The following ACTN4 variants were observed in gnomAD, a reference collection of about 807,000 sequenced individuals.
ACTN4 encodes the protein alpha-actinin-4.
ACTN4 carries 18 observed loss-of-function variants against 114.2 expected under a neutral mutation model. That is an observed-to-expected ratio of 0.16 (90% confidence interval 0.11 to 0.23). The LOEUF (loss-of-function observed/expected upper bound fraction) is 0.23. Ranked by LOEUF, ACTN4 falls within the 10% of genes least tolerant of loss-of-function variation. ACTN4 has a pLI of 1.00. For missense variants in ACTN4, 722 were observed against 1,262.9 expected, an observed-to-expected ratio of 0.57 and a Z score of 6.49; for synonymous variants, 515 against 506.3, an observed-to-expected ratio of 1.02 and a Z score of -0.23.
intron 1 of ACTN4, among the ~76,000 whole-genome samples, chr19:38,690,936 C>G (rs1213418090): frequency 4.6e-5 from 7 of 152,188 alleles, no homozygotes; most frequent in Non-Finnish European, 1.0e-4. Context: ...ATGCGAGATG[C>G]CGCAACCTGA....
chr19:38,654,253 G>A (rs928974586), intron 1 of ACTN4, among the ~76,000 whole-genome samples: 1 of 152,162 alleles, frequency 6.6e-6, no homozygotes, highest in South Asian at 2.1e-4. Flanking sequence ...CCCAGGGAAG[G>A]ATCCCGCCTC....
chr19:38,699,754 CA>C (rs528707102), intron 1 of ACTN4, among the ~76,000 whole-genome samples: 138 of 122,630 alleles, frequency 1.1e-3, no homozygotes, highest in Middle Eastern at 4.1e-3. Context: ...GACTCCTTCT[CA>C]AAAAAAAAAA....
chr19:38,700,855 A>C, intron 2 of ACTN4, 141 bp downstream of exon 2: 1 of 1,386,930 alleles, frequency 7.2e-7, no homozygotes, highest in Non-Finnish European at 1.0e-6. Flanking sequence ...CGGTGGTCTG[A>C]TGGGTGGGGC....
chr19:38,704,204 G>C (rs148506714), intron 3 of ACTN4, among the ~76,000 whole-genome samples: 2 of 152,338 alleles, frequency 1.3e-5, no homozygotes, highest in East Asian at 3.9e-4. Context: ...CCAGCTACTC[G>C]GGAGACTGAG....
At chr19:38,685,095 G>A (rs1164316028) in intron 1 of ACTN4, among the ~76,000 whole-genome samples, 1 of 152,126 alleles carries the variant, frequency 6.6e-6, no homozygotes, top group East Asian at 1.9e-4. Context: ...ACAGGCACAT[G>A]CCACCAAGCC....
chr19:38,685,339 C>G (rs767991953), intron 1 of ACTN4, among the ~76,000 whole-genome samples: 11 of 152,326 alleles, frequency 7.2e-5, no homozygotes, highest in Middle Eastern at 6.8e-3. Flanking sequence ...ACTCTTAACA[C>G]CACGAATTAG....
chr19:38,667,586 G>T lies in ACTN4; in HGVS notation c.162+19679G>T, dbSNP rs912764490. 1.8e-4 allele frequency among the ~76,000 whole-genome samples: 28 copies of T among 152,074 alleles called. No homozygotes were observed. In the East Asian group the frequency reaches 3.5e-3, roughly 19 times the overall value. On this transcript the variant is annotated intron_variant, in intron 1 of 20. Coordinates refer to ENST00000252699, the MANE Select transcript of ACTN4 (RefSeq NM_004924.6). ...GTGTTTTGGGTAATTGGCTGTTACA[G>T]TATGGAATTTGTGGCCCAAAGGCAG...
chr19:38,670,468 T>A (rs1967093860), intron 1 of ACTN4, among the ~76,000 whole-genome samples: 3 of 152,110 alleles, frequency 2.0e-5, no homozygotes, highest in African/African-American at 7.2e-5. Flanking sequence ...GACTGTGGTC[T>A]TGGATTATCA....
chr19:38,650,824 C>T (rs920561167), intron 1 of ACTN4, among the ~76,000 whole-genome samples: 1 of 152,080 alleles, frequency 6.6e-6, no homozygotes, highest in Non-Finnish European at 1.5e-5. Flanking sequence ...CAACCTCCGT[C>T]TCCCGGGTTC....
At position 38,724,666 on chromosome 19, in the gene ACTN4, G is replaced by C; in HGVS notation, c.2010+101G>C. The C allele has an allele frequency of 6.3e-7, 1 of 1,575,482 alleles. No homozygotes were observed. The highest frequency in any genetic ancestry group is 8.6e-7 in the Non-Finnish European group (1 of 1,158,614). On this transcript the variant is annotated intron_variant, in intron 16 of 20. Transcript: ENST00000252699. This position sits in a 1 kb window ranked among gnomAD's most constrained non-coding sequence, Gnocchi z 7.0. ...CCAGGGCCTGCAGACTGAGGCGCCT[G>C]GCAGAGCAGGTCCCAATTCTCACCA...
At chr19:38,720,090 G>A (rs1284197885) in intron 11 of ACTN4, among the ~76,000 whole-genome samples, 2 of 152,232 alleles carry the variant, frequency 1.3e-5, no homozygotes, top group Non-Finnish European at 1.5e-5. Flanking sequence ...ACGTGAAACA[G>A]GACAGGCAGG....
chr19:38,692,351 A>C (rs1234491767), intron 1 of ACTN4, among the ~76,000 whole-genome samples: 1 of 152,190 alleles, frequency 6.6e-6, no homozygotes, highest in Non-Finnish European at 1.5e-5. Context: ...TCTGCGTCCC[A>C]CGTTGCTGCA....
chr19:38,727,580 A>G lies in ACTN4; in HGVS notation c.2338-366A>G, dbSNP rs1003080373. On this transcript the variant is annotated intron_variant, in intron 18 of 20. Coordinates refer to ENST00000252699, the MANE Select transcript of ACTN4 (RefSeq NM_004924.6). The surrounding 1 kb of genome is among the most constrained non-coding windows in gnomAD (Gnocchi z 5.4). ...GCTCTGCACCTGGCGCCCCCAGGAC[A>G]GGATACAGTCCCCTCTGTCCCACTC... Among the ~76,000 whole-genome samples the G allele has an allele frequency of 6.6e-6, 1 of 151,736 alleles. No homozygotes were observed. Among genetic ancestry groups the G allele is most frequent in the African/African-American group, 2.4e-5 (1 of 41,304 alleles).
rs1427821308 is a variant in ACTN4 at position 38,724,950 on chromosome 19, G to T, written c.2010+385G>T. On this transcript the variant is annotated intron_variant, in intron 16 of 20. Transcript: ENST00000252699. The surrounding 1 kb of genome is among the most constrained non-coding windows in gnomAD (Gnocchi z 7.0). The stretch of plus-strand genomic sequence containing the variant: ...TTCAGCCTGACAGCGAGACCCTGTG[G>T]TCTCTAGTGGGCTACCTATGGGAGG... Among the ~76,000 whole-genome samples the T allele has an allele frequency of 1.3e-5, 2 of 152,222 alleles. No individual in the cohort carries two copies. Among genetic ancestry groups the T allele is most frequent in the African/African-American group, 4.8e-5 (2 of 41,460 alleles).
chr19:38,708,168 G>A lies in ACTN4; in HGVS notation c.624G>A (p.Glu208=), dbSNP rs1279314805. The change falls in exon 6 of 21, where the codon GAG becomes GAA. Residue 208 remains glutamate, a synonymous_variant. Transcript: ENST00000252699. ...FNALIHRHRP[E]LIEYDKLRKD... ...CCCTGATCCACCGGCACAGACCAGA[G>A]CTGATTGAGTATGACAAGCTGAGGA... 3.1e-6 allele frequency: 5 copies of A among 1,614,122 alleles called. No individual in the cohort carries two copies. Among genetic ancestry groups the A allele is most frequent in the Non-Finnish European group, 4.2e-6 (5 of 1,180,044 alleles).
intron 1 of ACTN4, among the ~76,000 whole-genome samples, chr19:38,665,290 T>G (rs1466944460): frequency 1.3e-5 from 2 of 152,218 alleles, no homozygotes; most frequent in Non-Finnish European, 2.9e-5. Flanking sequence ...TGTGCGACCC[T>G]GGGCAGGTGG....
chr19:38,688,680 T>G (rs1339570426), intron 1 of ACTN4, among the ~76,000 whole-genome samples: 1 of 151,846 alleles, frequency 6.6e-6, no homozygotes, highest in African/African-American at 2.4e-5. Context: ...TGAGCTATGA[T>G]GACACCACTG....
In ACTN4 at chr19:38,729,434, G is replaced by T; in HGVS notation, c.*2G>T. 1 of 1,612,638 alleles carries T rather than the reference G, an allele frequency of 6.2e-7. No homozygotes were observed. Among genetic ancestry groups the T allele is most frequent in the Non-Finnish European group, 8.5e-7 (1 of 1,179,916 alleles). ...TTGTATGGCGAGAGCGACCTGTGAGGCCCCAGAGACCTGACCCAACACCCC... is the reference window on the plus strand; with the variant it reads ...TTGTATGGCGAGAGCGACCTGTGAGTCCCCAGAGACCTGACCCAACACCCC... On this transcript the variant is annotated 3_prime_UTR_variant, in exon 21 of 21. Transcript: ENST00000252699.
intron 1 of ACTN4, among the ~76,000 whole-genome samples, chr19:38,676,139 C>T (rs547380467): frequency 1.1e-4 from 17 of 152,146 alleles, no homozygotes; most frequent in Non-Finnish European, 2.2e-4. Context: ...AGTTGAGGGA[C>T]GAGGCATCTG....
Sources: allele counts gnomAD v4.1 joint callset (sites outside exome capture counted in the v4.1 genomes callset), GRCh38; gene constraint gnomAD v4.1.1; non-coding constraint Gnocchi (gnomAD v3.1); transcripts MANE v1.5; gene names NCBI Gene and HGNC (gene_info 2026-07-23, HGNC 2026-07-21).